TXLNA: variants seen among roughly 807,000 people sequenced by gnomAD.
The protein encoded by TXLNA is taxilin alpha, also known as alpha-taxilin.
TXLNA carries 9 observed loss-of-function variants against 61.4 expected under a neutral mutation model. The ratio of observed to expected loss-of-function variants is 0.15; its 90% CI spans 0.09 to 0.26. The LOEUF (loss-of-function observed/expected upper bound fraction) is 0.26, where lower values mean the gene tolerates loss of function less well. Ranked by LOEUF, TXLNA falls within the 10% of genes least tolerant of loss-of-function variation. The pLI is 1.00. For synonymous variants in TXLNA, 257 were observed against 267.7 expected (o/e 0.96, Z 0.39); for missense variants, 565 against 688.8 (o/e 0.82, Z 2.01).
chr1:32,187,857 G>C (rs1264555168), intron 4 of TXLNA, 97 bp from the exon 5 acceptor site: 1 of 1,379,662 alleles, frequency 7.2e-7, no homozygotes, highest in Admixed American at 2.3e-5. Context: ...GAGGGTAAGG[G>C]TCAGGGCAGC....
Position 32,181,460 on chromosome 1 carries a change from A to G in TXLNA, c.388A>G (p.Asn130Asp). The G allele has an allele frequency of 6.2e-7, 1 of 1,613,960 alleles. No individual in the cohort carries two copies. The highest frequency in any genetic ancestry group is 8.5e-7 in the Non-Finnish European group (1 of 1,179,926). The change falls in exon 3 of 11, where the codon AAT (asparagine) becomes GAT (aspartate). Residue 130 changes from asparagine (N) to aspartate (D), a missense_variant. Physicochemically the swap from Asn to Asp is conservative, Grantham distance 23 (BLOSUM62 1). Coordinates refer to ENST00000373610, the MANE Select transcript of TXLNA (RefSeq NM_175852.4). ...GGAGCCTGAACCAACTCCAGTAGTCAATGGAGAGAAGGAACCCTCCAAGGG... is the reference window on the plus strand; with the variant it reads ...GGAGCCTGAACCAACTCCAGTAGTCGATGGAGAGAAGGAACCCTCCAAGGG... ...NGEPEPTPVV[N>D]GEKEPSKGDP...
Position 32,188,138 on chromosome 1 carries a change from C to G in TXLNA, c.768+14C>G. 3 of 1,534,394 alleles carry G rather than the reference C, an allele frequency of 2.0e-6. No homozygotes were observed. The highest frequency in any genetic ancestry group is 2.6e-6 in the Non-Finnish European group (3 of 1,135,368). Reference sequence around the variant, plus strand: ...CGCTCCCTCAAGGTAGGCCTGGGCCCCCTGGAACAGGTGACTCTGGTTTCC... The same window carrying G: ...CGCTCCCTCAAGGTAGGCCTGGGCCGCCTGGAACAGGTGACTCTGGTTTCC... On this transcript the variant is annotated intron_variant, in intron 5 of 10. Transcript: ENST00000373610.
At chr1:32,187,901 C>A (rs1026516565) in intron 4 of TXLNA, 53 bp from the exon 5 acceptor site, 269 of 1,584,262 alleles carry the variant, frequency 1.7e-4, no homozygotes, top group Non-Finnish European at 2.2e-4. Context: ...GTGATCCCCC[C>A]ACCAGGAAGG....
chr1:32,183,654 TCTC>T (rs1483834731), intron 3 of TXLNA, among the ~76,000 whole-genome samples: 1 of 149,608 alleles, frequency 6.7e-6, no homozygotes, highest in Non-Finnish European at 1.5e-5. Flanking sequence ...ATGGTTTTGA[TCTC>T]CTGACCTCGT....
chr1:32,192,812 A>G lies in TXLNA; in HGVS notation c.1158+81A>G. The G allele has an allele frequency of 4.2e-6, 6 of 1,425,372 alleles. No individual in the cohort carries two copies. Among genetic ancestry groups the G allele is most frequent in the South Asian group, 3.5e-5 (3 of 86,150 alleles). 88.3% of individuals were successfully genotyped at this position (1,425,372 alleles called of 1,614,324 possible). ...CTGGGGGTAGTGAAATGGGACCCTC[A>G]TTCTAGGACTGGCTGTGTCCTGGCT... On this transcript the variant is annotated intron_variant, in intron 8 of 10. Transcript: ENST00000373610. This position sits in a 1 kb window ranked among gnomAD's most constrained non-coding sequence, Gnocchi z 4.2.
At position 32,195,156 on chromosome 1, in the gene TXLNA, C is replaced by G. The variant is rs768443266; in HGVS notation, c.1602C>G (p.Gly534=). ...YPGAPSTEAS[G]QTGPQEPTSA... ...GAGCACCGAGCACAGAAGCATCAGG[C>G]CAGACTGGGCCTCAAGAGCCCACCT... The change falls in exon 11 of 11, where the codon GGC becomes GGG. Residue 534 remains glycine (G), a synonymous_variant. Transcript: ENST00000373610. The G allele has an allele frequency of 1.9e-6, 3 of 1,609,666 alleles. No homozygotes were observed. Among genetic ancestry groups the G allele is most frequent in the Non-Finnish European group, 2.5e-6 (3 of 1,178,116 alleles).
chr1:32,194,860 G>T, intron 10 of TXLNA, 42 bp from the exon 11 acceptor site: 1 of 1,555,022 alleles, frequency 6.4e-7, no homozygotes, highest in Non-Finnish European at 8.7e-7. Flanking sequence ...TAAGTGGGAG[G>T]TTGATGGGGC....
Position 32,181,414 on chromosome 1 carries a change from G to A in TXLNA, c.342G>A (p.Arg114=), listed in dbSNP as rs778533411. ...PAEPEDAEKS[R]TYVARNGEPE... is the part of the protein sequence containing the mutation. ...AACCCGAAGATGCAGAGAAGTCCCG[G>A]ACCTATGTGGCAAGGAATGGGGAGC... is the stretch of plus-strand genomic sequence containing the variant. Residue 114 remains arginine, a synonymous_variant, in exon 3 of 11, where the codon CGG becomes CGA. Transcript: ENST00000373610. 3.7e-6 allele frequency: 6 copies of A among 1,614,114 alleles called. No homozygotes were observed. In the African/African-American group the frequency reaches 8.0e-5, roughly 22 times the overall value.
chr1:32,184,714 T>A, intron 4 of TXLNA, 98 bp downstream of exon 4: 2 of 737,694 alleles, frequency 2.7e-6, no homozygotes, highest in Non-Finnish European at 4.6e-6. Context: ...GGTGGCTTAA[T>A]TCCTGTTCAG....
At position 32,198,035 on chromosome 1, in the gene TXLNA, A is replaced by G. The variant is rs1268252492; in HGVS notation, c.*2840A>G. 1.3e-5 allele frequency: 2 copies of G among 152,410 alleles called. No homozygotes were observed. The highest frequency in any genetic ancestry group is 3.8e-4 in the East Asian group (2 of 5,208). 9.4% of individuals were successfully genotyped at this position (152,410 alleles called of 1,614,324 possible). A position where few individuals can be genotyped will look rare whatever the true frequency, so the allele number is the denominator to read the frequency against. On this transcript the variant is annotated 3_prime_UTR_variant, in exon 11 of 11. Transcript: ENST00000373610. ...GAGCTGATTCTCCAGCTGCTGCCCC[A>G]GCCTTTCCGCCTTGCACAGCACAGA... is the stretch of plus-strand genomic sequence containing the variant.
rs770248395 is a variant in TXLNA, at chr1:32,188,077, C to A, written c.721C>A (p.Leu241Ile). The stretch of plus-strand genomic sequence containing the variant: ...CAAGGCCGTCCTGGCCCGCAGCAAG[C>A]TTGAGAGCCTATGCCGTGAGCTGCA... ...HSKAVLARSK[L>I]ESLCRELQRH... is the part of the protein sequence containing the mutation. Residue 241 changes from leucine to isoleucine, a missense_variant, in exon 5 of 11, where the codon CTT (leucine) becomes ATT (isoleucine). Leu to Ile is a conservative substitution (Grantham distance 5). Coordinates refer to ENST00000373610, the MANE Select transcript of TXLNA (RefSeq NM_175852.4). 6.3e-7 allele frequency: 1 copy of A among 1,588,840 alleles called. No homozygotes were observed. Among genetic ancestry groups the A allele is most frequent in the South Asian group, 1.1e-5 (1 of 87,592 alleles).
Position 32,181,475 on chromosome 1 carries a change from C to T in TXLNA, c.403C>T (p.Pro135Ser). 1 of 1,613,020 alleles carries T rather than the reference C, an allele frequency of 6.2e-7. No individual in the cohort carries two copies. Among genetic ancestry groups the T allele is most frequent in the Non-Finnish European group, 8.5e-7 (1 of 1,179,544 alleles). ...PTPVVNGEKE[P>S]SKGDPNTEEI... ...TCCAGTAGTCAATGGAGAGAAGGAA[C>T]CCTCCAAGGGGGATCCAAACACAGA... The change falls in exon 3 of 11, where the codon CCC becomes TCC. Residue 135 changes from proline (P) to serine (S), a missense_variant. Physicochemically the swap from Pro to Ser is moderately conservative, Grantham distance 74. Coordinates refer to ENST00000373610, the MANE Select transcript of TXLNA (RefSeq NM_175852.4).
At chr1:32,182,694 C>A (rs930217293) in intron 3 of TXLNA, among the ~76,000 whole-genome samples, 1 of 150,548 alleles carries the variant, frequency 6.6e-6, no homozygotes, top group African/African-American at 2.4e-5. Flanking sequence ...GAATCTAAGT[C>A]GAGTGTCATT....
At chr1:32,181,736 G>A (rs986837731) in intron 3 of TXLNA, among the ~76,000 whole-genome samples, 159 bp downstream of exon 3, 74 of 152,270 alleles carry the variant, frequency 4.9e-4, no homozygotes, top group African/African-American at 1.7e-3. Flanking sequence ...TGGGGGCCAC[G>A]GCATAGAGAG....
Position 32,181,594 on chromosome 1 carries a change from T to A in TXLNA, c.505+17T>A. ...AGGGTTTGGGTGAGCAGAGGGCGGC[T>A]CTTTGTGAAGCTGGTGAGGAGAGGG... is the stretch of plus-strand genomic sequence containing the variant. On this transcript the variant is annotated intron_variant, in intron 3 of 10. Transcript: ENST00000373610. The A allele has an allele frequency of 6.6e-7, 1 of 1,509,026 alleles. No homozygotes were observed. The highest frequency in any genetic ancestry group is 8.9e-7 in the Non-Finnish European group (1 of 1,125,754). 93.5% of individuals were successfully genotyped at this position (1,509,026 alleles called of 1,614,324 possible).
chr1:32,190,030 C>T, intron 5 of TXLNA, 25 bp from the exon 6 acceptor site: 1 of 1,539,650 alleles, frequency 6.5e-7, no homozygotes, highest in Non-Finnish European at 8.8e-7. Flanking sequence ...TGGATGATGG[C>T]TCTCGGGCTG....
chr1:32,193,949 C>G, intron 9 of TXLNA, 116 bp from the exon 10 acceptor site: 1 of 762,878 alleles, frequency 1.3e-6, no homozygotes, highest in Non-Finnish European at 2.2e-6. Flanking sequence ...TAATGCCTTG[C>G]GCCTTGGGAT....
intron 2 of TXLNA, among the ~76,000 whole-genome samples, chr1:32,180,879 A>T (rs1642640028): frequency 6.6e-6 from 1 of 152,214 alleles, no homozygotes; most frequent in Non-Finnish European, 1.5e-5. Context: ...GTGGGGGGGA[A>T]GGAGATGGAC....
At chr1:32,183,517 C>T (rs1262570561) in intron 3 of TXLNA, among the ~76,000 whole-genome samples, 3 of 143,620 alleles carry the variant, frequency 2.1e-5, no homozygotes, top group African/African-American at 7.8e-5. Context: ...AGCTCCACCT[C>T]CTGGGTTCAC....
Sources: allele counts gnomAD v4.1 joint callset (sites outside exome capture counted in the v4.1 genomes callset), GRCh38; gene constraint gnomAD v4.1.1; non-coding constraint Gnocchi (gnomAD v3.1); transcripts MANE v1.5; gene names NCBI Gene and HGNC (gene_info 2026-07-23, HGNC 2026-07-21).